CLEC16A: variants seen among roughly 807,000 people sequenced by gnomAD.
CLEC16A encodes the protein C-type lectin domain containing 16A, also known as protein CLEC16A.
In CLEC16A, 51 loss-of-function variants were observed where a neutral mutation model predicts 109.5. The ratio of observed to expected loss-of-function variants is 0.47; its 90% CI spans 0.37 to 0.59. The LOEUF (loss-of-function observed/expected upper bound fraction) is 0.59. CLEC16A is among the 20% of genes least tolerant of loss of function. CLEC16A has a pLI of 0.00. For missense variants in CLEC16A, 1,339 were observed against 1,394.0 expected, an observed-to-expected ratio of 0.96 and a Z score of 0.63; for synonymous variants, 673 against 564.2, an observed-to-expected ratio of 1.19 and a Z score of -2.73.
intron 19 of CLEC16A, among the ~76,000 whole-genome samples, chr16:11,074,371 T>C (rs569398047): frequency 1.3e-5 from 2 of 152,358 alleles, no homozygotes; most frequent in Admixed American, 6.5e-5. Flanking sequence ...AGTAGAAATA[T>C]GGAGAAATGA....
intron 11 of CLEC16A, among the ~76,000 whole-genome samples, chr16:11,006,645 A>T (rs187488169): frequency 1.1e-3 from 169 of 152,352 alleles, no homozygotes; most frequent in African/African-American, 3.8e-3. Flanking sequence ...TAAAAAAGGC[A>T]TGTGGTCACG....
intron 19 of CLEC16A, chr16:11,070,999 A>G (rs1567276363): frequency 6.6e-6 from 1 of 152,228 alleles, no homozygotes; most frequent in Middle Eastern, 3.2e-3. Flanking sequence ...GCAGGATCCA[A>G]CTTCCTAGCA....
intron 19 of CLEC16A, among the ~76,000 whole-genome samples, chr16:11,106,206 C>G (rs536670304): frequency 1.1e-4 from 16 of 152,318 alleles, no homozygotes; most frequent in Admixed American, 2.6e-4. Flanking sequence ...TTGAAACCTT[C>G]CAAGCATACA....
At position 11,035,332 on chromosome 16, in the gene CLEC16A, A is replaced by G. The variant is rs2046960574; in HGVS notation, c.1538-4422A>G. Among the ~76,000 whole-genome samples, 4 of 152,170 alleles carry G rather than the reference A, an allele frequency of 2.6e-5. No individual in the cohort carries two copies. The South Asian group carries it at 8.3e-4, about 32-fold the overall frequency. On this transcript the variant is annotated intron_variant, in intron 13 of 23. Coordinates refer to ENST00000409790, the MANE Select transcript of CLEC16A (RefSeq NM_015226.3). The stretch of plus-strand genomic sequence containing the variant: ...TCCCCTTCATTTTGAGATTTGTCTA[A>G]TCTTCTGCCCGAAATTTGATCAAAA...
intron 10 of CLEC16A, among the ~76,000 whole-genome samples, chr16:11,002,438 G>C (rs2044721867): frequency 6.6e-6 from 1 of 152,156 alleles, no homozygotes; most frequent in African/African-American, 2.4e-5. Context: ...TGTTAATAAT[G>C]GGCATAATAA....
At chr16:11,155,827 T>C (rs1042994803) in intron 22 of CLEC16A, among the ~76,000 whole-genome samples, 1 of 152,056 alleles carries the variant, frequency 6.6e-6, no homozygotes, top group African/African-American at 2.4e-5. Flanking sequence ...CACAAGCAAA[T>C]GGAATGGGTC....
chr16:11,021,216 G>C (rs1227793525), intron 12 of CLEC16A, among the ~76,000 whole-genome samples: 8 of 152,120 alleles, frequency 5.3e-5, no homozygotes, highest in African/African-American at 1.9e-4. Flanking sequence ...TTGTCTCTTT[G>C]CTTGGCAAAT....
chr16:10,957,332 T>C (rs756060134), intron 1 of CLEC16A, among the ~76,000 whole-genome samples: 25 of 152,258 alleles, frequency 1.6e-4, no homozygotes, highest in Non-Finnish European at 3.1e-4. Flanking sequence ...TTAGCCTGGC[T>C]GCAGGCCCCG....
At chr16:11,076,597 A>T (rs1388237478) in intron 19 of CLEC16A, among the ~76,000 whole-genome samples, 2 of 152,172 alleles carry the variant, frequency 1.3e-5, no homozygotes, top group Non-Finnish European at 2.9e-5. Context: ...GGATCCGGTG[A>T]TTGCTCAGGC....
chr16:10,998,503 ACTTT>A (rs757531498), intron 10 of CLEC16A, among the ~76,000 whole-genome samples: 6 of 152,302 alleles, frequency 3.9e-5, no homozygotes, highest in East Asian at 3.9e-4. Flanking sequence ...TGTGTTGTGT[ACTTT>A]CTTTATGAGA....
At chr16:10,996,781 C>G (rs576270192) in intron 10 of CLEC16A, among the ~76,000 whole-genome samples, 2 of 151,858 alleles carry the variant, frequency 1.3e-5, no homozygotes, top group Non-Finnish European at 2.9e-5. Context: ...CTCTGAGAGG[C>G]GTGGACTGTG....
chr16:11,131,184 G>A (rs1321046185), intron 22 of CLEC16A, among the ~76,000 whole-genome samples: 2 of 152,144 alleles, frequency 1.3e-5, no homozygotes, highest in African/African-American at 2.4e-5. Context: ...GCATGGCCAG[G>A]CCTAGACTCT....
rs929515269 is a variant in CLEC16A, at chr16:11,084,155, C to T, written c.2116+23133C>T. Among the ~76,000 whole-genome samples, 10 of 152,206 alleles carry T rather than the reference C, an allele frequency of 6.6e-5. No individual in the cohort carries two copies. In the South Asian group the frequency reaches 2.1e-3, roughly 32 times the overall value. ...TCCCCTTCAGCTCTGGGCCTTCATA[C>T]AGGCCCATCCCTCTGCTTGGGATGC... On this transcript the variant is annotated intron_variant, in intron 19 of 23. Transcript: ENST00000409790.
chr16:11,144,655 A>T lies in CLEC16A; in HGVS notation c.2641+18509A>T, dbSNP rs1451123910. Among the ~76,000 whole-genome samples, 3 of 152,198 alleles carry T rather than the reference A, an allele frequency of 2.0e-5. No individual in the cohort carries two copies. The East Asian group carries it at 5.8e-4, about 29-fold the overall frequency. ...TCCTCGGCCCTAGCTGTGCATTTTT[A>T]AAATCACCTTGAAAGCTTTTAGAAA... On this transcript the variant is annotated intron_variant, in intron 22 of 23. Coordinates refer to ENST00000409790, the MANE Select transcript of CLEC16A (RefSeq NM_015226.3).
intron 3 of CLEC16A, 66 bp downstream of exon 3, chr16:10,962,654 G>C: frequency 1.3e-6 from 2 of 1,568,242 alleles, no homozygotes; most frequent in Non-Finnish European, 1.7e-6. Flanking sequence ...GTTGGGCGTG[G>C]TTTTCTGTGT....
intron 10 of CLEC16A, among the ~76,000 whole-genome samples, chr16:10,983,813 A>G (rs2043466434): frequency 1.3e-5 from 2 of 151,880 alleles, no homozygotes; most frequent in African/African-American, 4.8e-5. Context: ...TACCGTACCT[A>G]CAGCCTGGTT....
At chr16:10,989,958 C>T (rs973081639) in intron 10 of CLEC16A, among the ~76,000 whole-genome samples, 1 of 152,196 alleles carries the variant, frequency 6.6e-6, no homozygotes, top group Non-Finnish European at 1.5e-5. Flanking sequence ...AGCACCCCTT[C>T]CGGCCAGGAT....
chr16:10,953,093 G>A (rs774409133), intron 1 of CLEC16A, among the ~76,000 whole-genome samples: 9 of 152,200 alleles, frequency 5.9e-5, no homozygotes, highest in Non-Finnish European at 1.2e-4. Flanking sequence ...AAAAACAGAA[G>A]GAAAGAAGTT....
chr16:11,043,948 T>C (rs2152860170), intron 15 of CLEC16A, 80 bp from the exon 16 acceptor site: 1 of 1,074,012 alleles, frequency 9.3e-7, no homozygotes, highest in East Asian at 2.5e-5. Flanking sequence ...TACACACTCA[T>C]GTTTTAGAAT....
Sources: allele counts gnomAD v4.1 joint callset (sites outside exome capture counted in the v4.1 genomes callset), GRCh38; gene constraint gnomAD v4.1.1; transcripts MANE v1.5; gene names NCBI Gene and HGNC (gene_info 2026-07-23, HGNC 2026-07-21).